Variants in PRKAR2A observed in about 807,000 individuals in gnomAD.
PRKAR2A encodes cAMP-dependent protein kinase type II-alpha regulatory subunit.
A neutral mutation model predicts 51.9 loss-of-function variants in PRKAR2A; 29 were observed. That is an observed-to-expected ratio of 0.56 (90% CI 0.42 to 0.76). The LOEUF (loss-of-function observed/expected upper bound fraction) is 0.76. Among genes scored for constraint, PRKAR2A ranks in the 30% least tolerant of loss-of-function variants. The probability of loss-of-function intolerance (pLI) is 0.00; values close to 1 mark genes in which losing one functional copy is unlikely to be tolerated. For missense variants in PRKAR2A, 445 were observed against 512.1 expected (o/e 0.87, Z 1.26); for synonymous variants, 178 against 186.2 (o/e 0.96, Z 0.36).
At chr3:48,764,543 C>T (rs2081909427) in intron 8 of PRKAR2A, among the ~76,000 whole-genome samples, 1 of 152,118 alleles carries the variant, frequency 6.6e-6, no homozygotes, top group Admixed American at 6.5e-5. Context: ...CGTCAATAAG[C>T]TTCAGAGGAC....
intron 1 of PRKAR2A, among the ~76,000 whole-genome samples, chr3:48,809,615 A>C (rs1409284107): frequency 1.4e-5 from 2 of 147,012 alleles, no homozygotes; most frequent in Non-Finnish European, 3.0e-5. Flanking sequence ...AAAAAAAAAA[A>C]AAAAAAAACT....
At chr3:48,795,618 C>T (rs2107325982) in intron 2 of PRKAR2A, among the ~76,000 whole-genome samples, 1 of 152,290 alleles carries the variant, frequency 6.6e-6, no homozygotes, top group East Asian at 1.9e-4. Flanking sequence ...CCCACTGCAA[C>T]CTCCACCTCC....
chr3:48,796,676 T>TG (rs1289391967), intron 2 of PRKAR2A, among the ~76,000 whole-genome samples: 1 of 150,368 alleles, frequency 6.7e-6, no homozygotes, highest in African/African-American at 2.4e-5. Flanking sequence ...CGGGGTTTTT[T>TG]TTTTTTTTTT....
At chr3:48,767,288 G>C (rs1235096314) in intron 6 of PRKAR2A, among the ~76,000 whole-genome samples, 2 of 151,888 alleles carry the variant, frequency 1.3e-5, no homozygotes, top group Non-Finnish European at 2.9e-5. Context: ...AGACCAGCCT[G>C]GCCAATATGG....
At chr3:48,810,617 ATGT>A (rs1157923859) in intron 1 of PRKAR2A, among the ~76,000 whole-genome samples, 1 of 152,114 alleles carries the variant, frequency 6.6e-6, no homozygotes, top group Non-Finnish European at 1.5e-5. Context: ...TCTTAAAAAA[ATGT>A]TTTTTTAATT....
At chr3:48,808,533 G>A (rs1575911749) in intron 1 of PRKAR2A, among the ~76,000 whole-genome samples, 1 of 151,714 alleles carries the variant, frequency 6.6e-6, no homozygotes, top group East Asian at 2.0e-4. Context: ...GATTACAGGC[G>A]TGAGCCACCG....
Position 48,783,106 on chromosome 3 carries a change from A to G in PRKAR2A, c.436-14T>C, listed in dbSNP as rs1428416583. The G allele has an allele frequency of 2.6e-6, 4 of 1,568,356 alleles. No individual in the cohort carries two copies. The African/African-American group carries it at 4.1e-5, about 16-fold the overall frequency. The stretch of plus-strand genomic sequence containing the variant: ...AGAAAGCTGTTCCTGCAGGGTATGC[A>G]CAAGAAGAAAAAAATAGCCTTTACA... On this transcript the variant is annotated splice_polypyrimidine_tract_variant and intron_variant, in intron 4 of 10. Transcript: ENST00000265563.
intron 5 of PRKAR2A, among the ~76,000 whole-genome samples, chr3:48,779,283 A>C (rs2082153943): frequency 6.6e-6 from 1 of 152,070 alleles, no homozygotes; most frequent in African/African-American, 2.4e-5. Context: ...TTCACTGTAC[A>C]AAGAATAACC....
In PRKAR2A at chr3:48,836,846, C is replaced by T. The variant is rs556797561; in HGVS notation, c.262+10489G>A. Among the ~76,000 whole-genome samples, 431 of 151,680 alleles carry T rather than the reference C, an allele frequency of 2.8e-3. 4 individuals are homozygous for T. Among genetic ancestry groups the T allele is most frequent in the African/African-American group, 9.9e-3 (409 of 41,328 alleles). On this transcript the variant is annotated intron_variant, in intron 1 of 10. Coordinates refer to ENST00000265563, the MANE Select transcript of PRKAR2A (RefSeq NM_004157.4). ...AAAAAAAAAATTTTGTTTAGTTAGCCAGAGGCCAGGCACATTGGCTCACAT... is the reference window on the plus strand; with the variant it reads ...AAAAAAAAAATTTTGTTTAGTTAGCTAGAGGCCAGGCACATTGGCTCACAT...
intron 5 of PRKAR2A, among the ~76,000 whole-genome samples, chr3:48,779,232 T>C (rs574376323): frequency 1.5e-4 from 23 of 152,222 alleles, no homozygotes; most frequent in African/African-American, 5.1e-4. Context: ...AGTGCTGGGA[T>C]TGCAGGTGCA....
At chr3:48,756,353 C>T in intron 9 of PRKAR2A, 26 bp downstream of exon 9, 3 of 1,582,756 alleles carry the variant, frequency 1.9e-6, no homozygotes, top group Middle Eastern at 1.7e-4. Flanking sequence ...GTGTGTACAC[C>T]ATCACATATA....
chr3:48,795,453 A>AAC (rs1481036352), intron 2 of PRKAR2A, among the ~76,000 whole-genome samples: 1 of 152,238 alleles, frequency 6.6e-6, no homozygotes, highest in African/African-American at 2.4e-5. Context: ...GTAGCTTCTG[A>AAC]ACATAGTAAT....
chr3:48,764,929 G>T, intron 8 of PRKAR2A, 75 bp downstream of exon 8: 1 of 1,393,662 alleles, frequency 7.2e-7, no homozygotes, highest in Non-Finnish European at 1.0e-6. Flanking sequence ...CCGGCAAGAA[G>T]TTTTTGAGAT....
At chr3:48,813,368 A>G (rs1183256105) in intron 1 of PRKAR2A, among the ~76,000 whole-genome samples, 1 of 152,134 alleles carries the variant, frequency 6.6e-6, no homozygotes, top group Non-Finnish European at 1.5e-5. Flanking sequence ...AAGCCACTGC[A>G]TTACAGCCTG....
intron 5 of PRKAR2A, among the ~76,000 whole-genome samples, chr3:48,782,628 G>A (rs2082218176): frequency 6.6e-6 from 1 of 152,114 alleles, no homozygotes; most frequent in Admixed American, 6.5e-5. Flanking sequence ...GCTAATTTTT[G>A]TATTTTTAGT....
chr3:48,820,372 T>A (rs9835307), intron 1 of PRKAR2A, among the ~76,000 whole-genome samples: 2 of 152,036 alleles, frequency 1.3e-5, no homozygotes, highest in African/African-American at 4.8e-5. Context: ...GTAACGGGAA[T>A]GGAGAAAAGG....
At chr3:48,831,067 C>A (rs1344470657) in intron 1 of PRKAR2A, among the ~76,000 whole-genome samples, 3 of 152,152 alleles carry the variant, frequency 2.0e-5, no homozygotes, top group African/African-American at 7.2e-5. Flanking sequence ...CAATACTGGT[C>A]CATGGCCCAG....
At chr3:48,805,324 G>A (rs1304988341) in intron 2 of PRKAR2A, among the ~76,000 whole-genome samples, 1 of 152,154 alleles carries the variant, frequency 6.6e-6, no homozygotes, top group African/African-American at 2.4e-5. Flanking sequence ...TTACAAGGAA[G>A]GTAGAAGAGG....
At chr3:48,811,145 TC>T (rs1267747096) in intron 1 of PRKAR2A, among the ~76,000 whole-genome samples, 2 of 151,852 alleles carry the variant, frequency 1.3e-5, no homozygotes, top group African/African-American at 4.9e-5. Context: ...CCACTGCACT[TC>T]AGCCTGCGCA....
Sources: allele counts gnomAD v4.1 joint callset (sites outside exome capture counted in the v4.1 genomes callset), GRCh38; gene constraint gnomAD v4.1.1; transcripts MANE v1.5; gene names NCBI Gene and HGNC (gene_info 2026-07-23, HGNC 2026-07-21).